Variants in GFOD1 observed in about 807,000 individuals in gnomAD.
GFOD1 encodes Gfo/Idh/MocA-like oxidoreductase domain containing 1.
A neutral mutation model predicts 25.4 loss-of-function variants in GFOD1; 9 were observed. The observed-to-expected ratio is 0.35, with a 90% CI of 0.21 to 0.62. The LOEUF (loss-of-function observed/expected upper bound fraction) is 0.62, where lower values mean the gene tolerates loss of function less well. Among genes scored for constraint, GFOD1 ranks in the 20% least tolerant of loss-of-function variants. The probability of loss-of-function intolerance (pLI) is 0.72; values close to 1 mark genes in which losing one functional copy is unlikely to be tolerated. For synonymous variants in GFOD1, 253 were observed against 245.6 expected (o/e 1.03, Z -0.28); for missense variants, 403 against 556.9 (o/e 0.72, Z 2.78).
intron 1 of GFOD1, among the ~76,000 whole-genome samples, chr6:13,372,210 G>C (rs528441907): frequency 6.6e-6 from 1 of 152,232 alleles, no homozygotes; most frequent in South Asian, 2.1e-4. Flanking sequence ...GGAAACTTCT[G>C]ACGGGTTAGA....
chr6:13,482,064 T>C (rs1758763402), intron 1 of GFOD1, among the ~76,000 whole-genome samples: 1 of 150,530 alleles, frequency 6.6e-6, no homozygotes, highest in African/African-American at 2.4e-5. Flanking sequence ...TTTCATATAT[T>C]TGTGTATATG....
intron 1 of GFOD1, among the ~76,000 whole-genome samples, chr6:13,463,014 G>A (rs998484177): frequency 6.6e-6 from 1 of 152,232 alleles, no homozygotes; most frequent in Admixed American, 6.5e-5. Flanking sequence ...GCAGAGAGCA[G>A]CTCTCTTTTC....
chr6:13,486,439 G>A lies in GFOD1; in HGVS notation c.253+199C>T, dbSNP rs545441491. ...GCGTCCAAGTGGTGCCAGGAGGCAG[G>A]AGGGAAGCGCAAAGGTGGGGAAGGC... On this transcript the variant is annotated intron_variant, in intron 1 of 1. Transcript: ENST00000379287. 4.3e-4 allele frequency: 264 copies of A among 621,104 alleles called. 4 individuals carry two copies. Among genetic ancestry groups the A allele is most frequent in the South Asian group, 4.2e-3 (213 of 50,644 alleles). 38.5% of individuals were successfully genotyped at this position (621,104 alleles called of 1,614,324 possible).
intron 1 of GFOD1, among the ~76,000 whole-genome samples, chr6:13,421,087 ATTGTTATTTTG>A (rs1357261249): frequency 6.6e-6 from 1 of 152,186 alleles, no homozygotes; most frequent in Non-Finnish European, 1.5e-5. Flanking sequence ...TAGATATAAC[ATTGTTATTTTG>A]AATAATTAAA....
At chr6:13,373,741 A>AACACACACACACACACAC (rs10530031) in intron 1 of GFOD1, among the ~76,000 whole-genome samples, 51 of 129,600 alleles carry the variant, frequency 3.9e-4, no homozygotes, top group East Asian at 3.1e-3. Flanking sequence ...CTGCTCCCCC[A>AACACACACACACACACAC]ACACACACAC....
At chr6:13,368,706 C>T in intron 1 of GFOD1, among the ~76,000 whole-genome samples, 1 of 151,972 alleles carries the variant, frequency 6.6e-6, no homozygotes, top group South Asian at 2.1e-4. Flanking sequence ...TTATTTTTTT[C>T]TATTATAAAA....
At chr6:13,396,308 G>A (rs1414628245) in intron 1 of GFOD1, among the ~76,000 whole-genome samples, 1 of 152,198 alleles carries the variant, frequency 6.6e-6, no homozygotes, top group African/African-American at 2.4e-5. Context: ...TATTTAATCT[G>A]TGCCAGGTTA....
At chr6:13,479,385 G>A (rs768556406) in intron 1 of GFOD1, among the ~76,000 whole-genome samples, 85 of 152,146 alleles carry the variant, frequency 5.6e-4, no homozygotes, top group Non-Finnish European at 4.0e-4. Flanking sequence ...TGAGGCTCAG[G>A]AAGGATGATT....
chr6:13,430,972 A>G lies in GFOD1; in HGVS notation c.253+55666T>C, dbSNP rs956947352. On this transcript the variant is annotated intron_variant, in intron 1 of 1. Coordinates refer to ENST00000379287, the MANE Select transcript of GFOD1 (RefSeq NM_018988.4). The surrounding 1 kb of genome is among the most constrained non-coding windows in gnomAD (Gnocchi z 4.1). ...TTCATCTCATTTGATATTCACTGCC[A>G]TATTTATACATCGGGAAACCGAGGC... Among the ~76,000 whole-genome samples, 3 of 152,248 alleles carry G rather than the reference A, an allele frequency of 2.0e-5. No homozygotes were observed. The highest frequency in any genetic ancestry group is 2.0e-4 in the Admixed American group (3 of 15,294).
chr6:13,382,667 A>T (rs1028036564), intron 1 of GFOD1, among the ~76,000 whole-genome samples: 6 of 152,158 alleles, frequency 3.9e-5, no homozygotes, highest in East Asian at 1.9e-4. Context: ...TTAAAAAAAA[A>T]TTTTATTTTA....
At chr6:13,425,850 C>T (rs1217589688) in intron 1 of GFOD1, among the ~76,000 whole-genome samples, 1 of 145,426 alleles carries the variant, frequency 6.9e-6, no homozygotes, top group Non-Finnish European at 1.5e-5. Context: ...ATAAAATATA[C>T]TAATGATAGC....
At position 13,358,161 on chromosome 6, in the gene GFOD1, ACCT is replaced by A. The variant is rs1430720111; in HGVS notation, c.*6579_*6581del. The A allele has an allele frequency of 2.6e-5, 4 of 152,110 alleles. No individual in the cohort carries two copies. The highest frequency in any genetic ancestry group is 9.6e-5 in the African/African-American group (4 of 41,502). 9.4% of individuals were successfully genotyped at this position (152,110 alleles called of 1,614,324 possible). On this transcript the variant is annotated 3_prime_UTR_variant, in exon 2 of 2. Transcript: ENST00000379287. ...TTTAATAATAAAAAAGAAAACCAAA[ACCT>A]CCTATAATTTATAAGCTATGTTTGA...
Position 13,486,962 on chromosome 6 carries a change from G to A in GFOD1, c.-72C>T. 1 of 1,534,096 alleles carries A rather than the reference G, an allele frequency of 6.5e-7. No individual in the cohort carries two copies. On this transcript the variant is annotated 5_prime_UTR_variant, in exon 1 of 2. Coordinates refer to ENST00000379287, the MANE Select transcript of GFOD1 (RefSeq NM_018988.4). Reference sequence around the variant, plus strand: ...CAACGCGCGCACACACCCACCTCTAGCCAGTCCTGCACCCCGCTCCTGTAG... The same window carrying A: ...CAACGCGCGCACACACCCACCTCTAACCAGTCCTGCACCCCGCTCCTGTAG...
At chr6:13,471,199 C>T (rs1447783604) in intron 1 of GFOD1, among the ~76,000 whole-genome samples, 4 of 152,168 alleles carry the variant, frequency 2.6e-5, no homozygotes, top group Non-Finnish European at 5.9e-5. Flanking sequence ...CAGGAGCTAG[C>T]TGCCAGGTGT....
chr6:13,408,597 A>G (rs1276061832), intron 1 of GFOD1, among the ~76,000 whole-genome samples: 2 of 152,088 alleles, frequency 1.3e-5, no homozygotes, highest in South Asian at 2.1e-4. Context: ...CAAACAGAAG[A>G]GTTAATGAAC....
At chr6:13,451,780 G>A (rs1247948858) in intron 1 of GFOD1, among the ~76,000 whole-genome samples, 9 of 152,298 alleles carry the variant, frequency 5.9e-5, no homozygotes, top group South Asian at 2.1e-4. Context: ...GTCGGCAAAC[G>A]AATGATCCTG....
intron 1 of GFOD1, among the ~76,000 whole-genome samples, chr6:13,429,782 A>C (rs1757717017): frequency 6.6e-6 from 1 of 152,182 alleles, no homozygotes. Flanking sequence ...ATTTTGTAAA[A>C]CATTTAAGTT....
At chr6:13,413,642 G>A (rs544895999) in intron 1 of GFOD1, among the ~76,000 whole-genome samples, 2 of 152,144 alleles carry the variant, frequency 1.3e-5, no homozygotes, top group Non-Finnish European at 2.9e-5. Context: ...GGGAAAAAAA[G>A]CACCACTCTG....
At chr6:13,453,683 T>C (rs1305398351) in intron 1 of GFOD1, among the ~76,000 whole-genome samples, 1 of 152,244 alleles carries the variant, frequency 6.6e-6, no homozygotes, top group Non-Finnish European at 1.5e-5. Context: ...AGCTACAATA[T>C]GCGAAGTATT....
Sources: gnomAD v4.1 joint callset for allele counts (sites outside exome capture counted in the v4.1 genomes callset) on GRCh38, gnomAD v4.1.1 for gene constraint, Gnocchi (gnomAD v3.1) non-coding constraint, MANE v1.5 for transcripts, NCBI Gene and HGNC (gene_info 2026-07-23, HGNC 2026-07-21) for gene names.